The following AGL variants were observed in gnomAD, a reference collection of about 807,000 sequenced individuals.
The protein encoded by AGL is amylo-alpha-1,6-glucosidase and 4-alpha-glucanotransferase, also known as glycogen debranching enzyme.
A neutral mutation model predicts 199.3 loss-of-function variants in AGL; 128 were observed. The observed-to-expected ratio is 0.64, with a 90% CI of 0.56 to 0.74. AGL has a LOEUF of 0.74. AGL is among the 30% of genes least tolerant of loss of function. AGL has a pLI of 0.00. For synonymous variants in AGL, 584 were observed against 594.7 expected, an observed-to-expected ratio of 0.98 and a Z score of 0.26; for missense variants, 1,809 against 1,820.8, an observed-to-expected ratio of 0.99 and a Z score of 0.12.
In AGL at chr1:99,910,753, G is replaced by A. The variant is rs1240157988; in HGVS notation, c.3742G>A (p.Val1248Ile). Residue 1248 changes from valine (V) to isoleucine (I), a missense_variant, in exon 28 of 34, where the codon GTT becomes ATT. Coordinates refer to ENST00000361915, the MANE Select transcript of AGL (RefSeq NM_000642.3). Reference protein sequence around the residue: ...TAGVDEETGFVYGGNRFNCGT... With the variant: ...TAGVDEETGFIYGGNRFNCGT... ...AGGAGTTGATGAAGAAACAGGATTT[G>A]TTTATGGAGGAAATCGTTTCAATTG... 6.2e-7 allele frequency: 1 copy of A among 1,611,554 alleles called. No homozygotes were observed. The highest frequency in any genetic ancestry group is 1.3e-5 in the African/African-American group (1 of 74,798).
chr1:99,920,028 A>G (rs1655407442), intron 33 of AGL, among the ~76,000 whole-genome samples: 3 of 152,192 alleles, frequency 2.0e-5, no homozygotes, highest in African/African-American at 7.2e-5. Flanking sequence ...AAGCAAGGGA[A>G]AGGGGACTTC....
intron 7 of AGL, among the ~76,000 whole-genome samples, chr1:99,871,247 C>G (rs541902418): frequency 1.3e-5 from 2 of 152,096 alleles, no homozygotes; most frequent in Non-Finnish European, 2.9e-5. Context: ...CTCCTGTTGT[C>G]TATAGTAAGA....
chr1:99,857,353 T>C (rs1174779637), intron 2 of AGL, among the ~76,000 whole-genome samples: 1 of 147,760 alleles, frequency 6.8e-6, no homozygotes, highest in Non-Finnish European at 1.5e-5. Flanking sequence ...GAGGGGCTCC[T>C]CACATCCCAG....
Position 99,853,234 on chromosome 1 carries a change from C to T in AGL, c.82+2110C>T, listed in dbSNP as rs193274431. 1.4e-4 allele frequency among the ~76,000 whole-genome samples: 22 copies of T among 152,320 alleles called. 1 individual carries two copies. In the East Asian group the frequency reaches 3.1e-3, roughly 21 times the overall value. On this transcript the variant is annotated intron_variant, in intron 2 of 33. Transcript: ENST00000361915. ...TCTAAGACATTCTGTAATGAGACTA[C>T]ACCTTCCTTAGCCAAGATTGTATCT...
chr1:99,920,613 G>A (rs1655450140), intron 33 of AGL, among the ~76,000 whole-genome samples: 1 of 151,930 alleles, frequency 6.6e-6, no homozygotes, highest in South Asian at 2.1e-4. Flanking sequence ...TTTAAATATG[G>A]TACCTAGCTG....
intron 2 of AGL, among the ~76,000 whole-genome samples, chr1:99,857,810 G>GGGGAGAGGGAGACCGTGGGGAGGGGC (rs1649661447): frequency 7.1e-6 from 1 of 141,594 alleles, no homozygotes; most frequent in Admixed American, 7.0e-5. Context: ...TGGGGAGGGG[G>GGGGAGAGGGAGACCGTGGGGAGGGGC]AGGGGGGAGA....
At chr1:99,854,536 G>C (rs1021372558) in intron 2 of AGL, among the ~76,000 whole-genome samples, 4 of 152,096 alleles carry the variant, frequency 2.6e-5, no homozygotes, top group African/African-American at 9.7e-5. Context: ...GCCGAGGCGG[G>C]CGGATCACGA....
At chr1:99,889,812 A>G (rs1383923203) in intron 21 of AGL, among the ~76,000 whole-genome samples, 1 of 152,132 alleles carries the variant, frequency 6.6e-6, no homozygotes, top group Non-Finnish European at 1.5e-5. Flanking sequence ...TATCTTTTCT[A>G]AATAGAATTG....
At chr1:99,875,564 CT>C (rs1348370261) in intron 10 of AGL, 109 bp downstream of exon 10, 30 of 946,224 alleles carry the variant, frequency 3.2e-5, no homozygotes, top group Non-Finnish European at 4.8e-5. Flanking sequence ...CAGTACATTT[CT>C]TAAATTGAAA....
chr1:99,867,218 G>A (rs1307813635), intron 5 of AGL, among the ~76,000 whole-genome samples: 3 of 152,198 alleles, frequency 2.0e-5, no homozygotes, highest in African/African-American at 7.2e-5. Flanking sequence ...ACCCTAACTG[G>A]TGAAAATTAT....
intron 2 of AGL, among the ~76,000 whole-genome samples, chr1:99,859,557 AT>A (rs11354427): frequency 1 from 151,259 of 151,378 alleles, 75,570 homozygotes; most frequent in Middle Eastern, 1. Flanking sequence ...TGGTTATTAC[AT>A]TTTTTTTTTA....
At chr1:99,918,010 G>A (rs1175451910) in intron 33 of AGL, among the ~76,000 whole-genome samples, 1 of 152,056 alleles carries the variant, frequency 6.6e-6, no homozygotes, top group South Asian at 2.1e-4. Context: ...GTGATGTTCT[G>A]TATCTCCATC....
rs998502966 is a variant in AGL at position 99,862,459 on chromosome 1, AAAT to A, written c.460+39_460+41del. Reference sequence around the variant, plus strand: ...CTTGCTTTCTTTTTCTTATTTAAAAAAATAAATGTAATTATCCTCTGTGATATA... The same window carrying A: ...CTTGCTTTCTTTTTCTTATTTAAAAAAAATGTAATTATCCTCTGTGATATA... On this transcript the variant is annotated intron_variant, in intron 4 of 33. Transcript: ENST00000361915. 5 of 1,603,878 alleles carry A rather than the reference AAAT, an allele frequency of 3.1e-6. No homozygotes were observed. In the African/African-American group the frequency reaches 5.4e-5, roughly 17 times the overall value.
At chr1:99,915,790 G>A (rs76941201) in intron 31 of AGL, among the ~76,000 whole-genome samples, 1,529 of 150,334 alleles carry the variant, frequency 0.01, 27 homozygotes, top group African/African-American at 0.036. Flanking sequence ...ACACACACAC[G>A]CACACACACA....
chr1:99,862,038 G>A (rs1650081683), intron 3 of AGL, among the ~76,000 whole-genome samples: 1 of 152,094 alleles, frequency 6.6e-6, no homozygotes, highest in Non-Finnish European at 1.5e-5. Context: ...AACATTCTTG[G>A]ATATTTTGTG....
intron 24 of AGL, 40 bp downstream of exon 24, chr1:99,892,647 AG>A (rs1652996640): frequency 1.9e-6 from 3 of 1,577,614 alleles, no homozygotes; most frequent in Non-Finnish European, 2.6e-6. Context: ...GTAAATCGAT[AG>A]TATTCGCGGA....
rs1345849087 is a variant in AGL at position 99,887,600 on chromosome 1, AT to A, written c.2682-377del. ...ACTTAGGGGAATATAAAGGAGAGAA[AT>A]CAGATGAGAACACATAAATAAATGA... On this transcript the variant is annotated intron_variant, in intron 20 of 33. Coordinates refer to ENST00000361915, the MANE Select transcript of AGL (RefSeq NM_000642.3). Among the ~76,000 whole-genome samples, 12 of 152,310 alleles carry A rather than the reference AT, an allele frequency of 7.9e-5. 1 individual carries two copies. The East Asian group carries it at 2.3e-3, about 29-fold the overall frequency.
chr1:99,851,652 G>T (rs1395429312), intron 2 of AGL, among the ~76,000 whole-genome samples: 2 of 152,134 alleles, frequency 1.3e-5, no homozygotes, highest in Non-Finnish European at 2.9e-5. Flanking sequence ...AATAAAAAGT[G>T]CAATAACTCA....
chr1:99,893,090 G>A (rs1408178656), intron 24 of AGL, among the ~76,000 whole-genome samples: 2 of 152,048 alleles, frequency 1.3e-5, no homozygotes, highest in Non-Finnish European at 2.9e-5. Context: ...TTTAAAACCT[G>A]AATCAAGTAA....
Sources: allele counts gnomAD v4.1 joint callset (sites outside exome capture counted in the v4.1 genomes callset), GRCh38; gene constraint gnomAD v4.1.1; transcripts MANE v1.5; gene names NCBI Gene and HGNC (gene_info 2026-07-23, HGNC 2026-07-21).